Variants in TECTB observed in about 807,000 individuals in gnomAD.
TECTB encodes the protein tectorin beta, also known as beta-tectorin.
TECTB carries 45 observed loss-of-function variants against 43.3 expected under a neutral mutation model. That is an observed-to-expected ratio of 1.04 (90% confidence interval 0.82 to 1.33). The LOEUF is 1.33. Ranked by LOEUF, TECTB falls within the 40% of genes most tolerant of loss-of-function variation. The pLI, the probability that TECTB is intolerant of heterozygous loss-of-function variation, is 0.00. For missense variants in TECTB, 399 were observed against 404.7 expected (o/e 0.99, Z 0.12); for synonymous variants, 169 against 156.7 (o/e 1.08, Z -0.59).
rs370352692 is a variant in TECTB at position 112,294,113 on chromosome 10, G to A, written c.671+52G>A. The A allele has an allele frequency of 4.3e-5, 67 of 1,543,404 alleles. 1 individual carries two copies. The East Asian group carries it at 4.7e-4, about 11-fold the overall frequency. Reference sequence around the variant, plus strand: ...TGAACAGTGGAACCAGGCATTTATCGGGCTACTTTGCTCTGGCTTGGGAAA... The same window carrying A: ...TGAACAGTGGAACCAGGCATTTATCAGGCTACTTTGCTCTGGCTTGGGAAA... On this transcript the variant is annotated intron_variant, in intron 7 of 10. Transcript: ENST00000646139.
At chr10:112,287,283 G>A (rs919665096) in intron 5 of TECTB, among the ~76,000 whole-genome samples, 1 of 152,218 alleles carries the variant, frequency 6.6e-6, no homozygotes, top group African/African-American at 2.4e-5. Flanking sequence ...GCACACTTTG[G>A]TCTCTCTCAA....
chr10:112,290,110 TGTTCTGA>T (rs1324961249), intron 5 of TECTB, among the ~76,000 whole-genome samples: 3 of 152,188 alleles, frequency 2.0e-5, no homozygotes, highest in Non-Finnish European at 4.4e-5. Flanking sequence ...ATTGCACACC[TGTTCTGA>T]GTAGCATGAT....
chr10:112,302,056 T>C (rs2133359922), intron 9 of TECTB, 45 bp from the exon 10 acceptor site: 6 of 1,608,224 alleles, frequency 3.7e-6, no homozygotes, highest in Non-Finnish European at 5.1e-6. Flanking sequence ...CTCCTTTCCA[T>C]GATCTTTTCT....
intron 5 of TECTB, among the ~76,000 whole-genome samples, chr10:112,288,764 G>A (rs1013080003): frequency 6.6e-6 from 1 of 152,108 alleles, no homozygotes; most frequent in African/African-American, 2.4e-5. Context: ...TCAAATGCTG[G>A]GCTCTAAAAG....
intron 9 of TECTB, among the ~76,000 whole-genome samples, chr10:112,301,669 C>G (rs1359275093): frequency 6.6e-6 from 1 of 152,164 alleles, no homozygotes; most frequent in East Asian, 1.9e-4. Context: ...CCAGTATAAA[C>G]TGTCTGAAAG....
At chr10:112,294,126 C>G (rs1848525382) in intron 7 of TECTB, 65 bp downstream of exon 7, 1 of 1,495,130 alleles carries the variant, frequency 6.7e-7, no homozygotes, top group Non-Finnish European at 9.3e-7. Context: ...CTACTTTGCT[C>G]TGGCTTGGGA....
intron 9 of TECTB, among the ~76,000 whole-genome samples, chr10:112,300,262 GAAAGAAAGAAAGAAAGA>G (rs1192380220): frequency 0.12 from 3,750 of 30,632 alleles, 150 homozygotes; most frequent in East Asian, 0.22. Flanking sequence ...AAGAAAGAAA[GAAAGAAAGAAAGAAAGA>G]AAAGAAAGAA....
intron 5 of TECTB, among the ~76,000 whole-genome samples, chr10:112,289,191 A>T (rs1848478210): frequency 6.6e-6 from 1 of 152,200 alleles, no homozygotes; most frequent in African/African-American, 2.4e-5. Flanking sequence ...ATCATTGTAG[A>T]CTTTGACTCT....
At chr10:112,285,785 G>C (rs1358973985) in intron 3 of TECTB, among the ~76,000 whole-genome samples, 1 of 152,174 alleles carries the variant, frequency 6.6e-6, no homozygotes, top group East Asian at 1.9e-4. Flanking sequence ...AGAGATTCTT[G>C]AGCCAGTTCT....
chr10:112,284,500 TA>T (rs1478543630), intron 2 of TECTB, 34 bp from the exon 3 acceptor site: 3 of 1,537,058 alleles, frequency 2.0e-6, no homozygotes, highest in Non-Finnish European at 2.6e-6. Context: ...ATGATTACCC[TA>T]ACTGATTTTA....
chr10:112,299,990 C>G (rs574409805), intron 9 of TECTB, among the ~76,000 whole-genome samples: 5 of 151,284 alleles, frequency 3.3e-5, no homozygotes, highest in African/African-American at 1.2e-4. Context: ...TGGTGAAACC[C>G]CACCTCTACT....
At chr10:112,289,781 C>A (rs1431724089) in intron 5 of TECTB, among the ~76,000 whole-genome samples, 3 of 152,138 alleles carry the variant, frequency 2.0e-5, no homozygotes, top group African/African-American at 7.2e-5. Flanking sequence ...CAGACCCGTG[C>A]AGGCCATCAC....
chr10:112,286,422 C>G (rs1321762084), intron 5 of TECTB, 31 bp downstream of exon 5: 1 of 1,531,496 alleles, frequency 6.5e-7, no homozygotes. Flanking sequence ...CATTACTTCC[C>G]TGTGGCCTTT....
At chr10:112,296,779 TG>T (rs1848550084) in intron 7 of TECTB, among the ~76,000 whole-genome samples, 1 of 151,926 alleles carries the variant, frequency 6.6e-6, no homozygotes, top group Admixed American at 6.6e-5. Context: ...GGAAAAGGGG[TG>T]GGGTAGAGAA....
chr10:112,298,187 T>G lies in TECTB; in HGVS notation c.790T>G (p.Cys264Gly). 1 of 1,614,210 alleles carries G rather than the reference T, an allele frequency of 6.2e-7. No homozygotes were observed. Among genetic ancestry groups the G allele is most frequent in the African/African-American group, 1.3e-5 (1 of 75,068 alleles). ...IPKLSKVWLH[C>G]ETFICDSEKL... ...CAAACTCTCCAAGGTGTGGTTACAC[T>G]GTGAGACGTTCATCTGCGACAGTGA... The change falls in exon 8 of 11, where the codon TGT becomes GGT. Residue 264 changes from cysteine to glycine, a missense_variant. Physicochemically the swap from Cys to Gly is radical, Grantham distance 159. Transcript: ENST00000646139.
intron 6 of TECTB, 34 bp from the exon 7 acceptor site, chr10:112,293,944 G>T: frequency 6.2e-7 from 1 of 1,612,124 alleles, no homozygotes; most frequent in Non-Finnish European, 8.5e-7. Context: ...AAGATTCTCT[G>T]TTTCAAAGTG....
chr10:112,301,981 G>A, intron 9 of TECTB, 120 bp from the exon 10 acceptor site: 2 of 1,223,306 alleles, frequency 1.6e-6, no homozygotes, highest in Non-Finnish European at 2.3e-6. Context: ...AAAGTGCTGG[G>A]ATTACAAGTG....
intron 10 of TECTB, 153 bp from the exon 11 acceptor site, chr10:112,303,110 T>A: frequency 1.2e-6 from 1 of 822,954 alleles, no homozygotes; most frequent in African/African-American, 1.7e-5. Context: ...CTGATAAATG[T>A]GAGCTACAGA....
At chr10:112,290,891 A>G (rs900248559) in intron 5 of TECTB, among the ~76,000 whole-genome samples, 2 of 152,228 alleles carry the variant, frequency 1.3e-5, no homozygotes, top group African/African-American at 2.4e-5. Flanking sequence ...CATCAGTAAA[A>G]TAATGTCAGA....
Sources: gnomAD v4.1 joint callset for allele counts (sites outside exome capture counted in the v4.1 genomes callset) on GRCh38, gnomAD v4.1.1 for gene constraint, MANE v1.5 for transcripts, NCBI Gene and HGNC (gene_info 2026-07-23, HGNC 2026-07-21) for gene names.